Variants in WFDC5 observed in about 807,000 individuals in gnomAD.
WFDC5 encodes WAP four-disulfide core domain protein 5.
A neutral mutation model predicts 15.7 loss-of-function variants in WFDC5; 15 were observed. The observed-to-expected ratio is 0.96, with a 90% CI of 0.64 to 1.47. The LOEUF (loss-of-function observed/expected upper bound fraction) is 1.47. Ranked by LOEUF, WFDC5 falls within the 40% of genes most tolerant of loss-of-function variation. WFDC5 has a pLI of 0.00. For missense variants in WFDC5, 280 were observed against 258.0 expected, an observed-to-expected ratio of 1.09 and a Z score of -0.59; for synonymous variants, 109 against 107.7, an observed-to-expected ratio of 1.01 and a Z score of -0.07.
intron 1 of WFDC5, among the ~76,000 whole-genome samples, chr20:45,111,825 C>T (rs778351858): frequency 3.3e-5 from 5 of 152,170 alleles, no homozygotes; most frequent in African/African-American, 9.7e-5. Context: ...TCCCAGGGCC[C>T]GGCTCCCTCT....
chr20:45,111,737 C>G (rs56213252), intron 1 of WFDC5, among the ~76,000 whole-genome samples: 15,312 of 152,116 alleles, frequency 0.1, 1,821 homozygotes, highest in African/African-American at 0.29. Context: ...AATCAGTATC[C>G]TCCTCCATGT....
chr20:45,111,982 C>T (rs7268783), intron 1 of WFDC5, among the ~76,000 whole-genome samples: 5,246 of 152,218 alleles, frequency 0.034, 318 homozygotes, highest in African/African-American at 0.12. Flanking sequence ...CCTCTGTGTC[C>T]GCCCCTCCCC....
chr20:45,111,975 C>T lies in WFDC5; in HGVS notation c.86-1200G>A, dbSNP rs563507987. Among the ~76,000 whole-genome samples the T allele has an allele frequency of 1.6e-4, 25 of 152,306 alleles. No individual in the cohort carries two copies. The South Asian group carries it at 5.0e-3, about 30-fold the overall frequency. On this transcript the variant is annotated intron_variant, in intron 1 of 3. Transcript: ENST00000307971. ...TGGATCTGGTTCTGTGACTTTACCT[C>T]TGTGTCCGCCCCTCCCCCTCAGCCC...
chr20:45,110,437 G>A (rs1388261493), exon 3 of WFDC5: 2 of 1,612,692 alleles, frequency 1.2e-6, no homozygotes, highest in Non-Finnish European at 1.7e-6. Flanking sequence ...CGCAGGCGCT[G>A]TGGCAGCATC....
In WFDC5 at chr20:45,109,850, G is replaced by T. The variant is rs746281503; in HGVS notation, c.557C>A (p.Pro186His). The T allele has an allele frequency of 1.8e-5, 18 of 1,028,390 alleles. No individual in the cohort carries two copies. In the South Asian group the frequency reaches 2.4e-4, roughly 14 times the overall value. The allele number at this position is 1,028,390 out of a possible 1,614,324, so 63.7% of individuals were successfully genotyped here. ...CAGGAGGAGAAACCAGGGGTGGATG[G>T]GTTGCAGGGAAGTGTCAGCAGGCCA... Residue 186 changes from proline (P) to histidine (H), a missense_variant, in exon 4 of 4, where the codon CCC becomes CAC. Transcript: ENST00000307971.
exon 1 of WFDC5, chr20:45,115,099 T>G: frequency 6.2e-7 from 1 of 1,610,404 alleles, no homozygotes; most frequent in South Asian, 1.1e-5. Flanking sequence ...TGCTGCCGGC[T>G]CAGGGCCCAG....
exon 4 of WFDC5, chr20:45,109,919 T>C (rs1364795174): frequency 6.5e-7 from 1 of 1,548,702 alleles, no homozygotes; most frequent in Non-Finnish European, 8.9e-7. Context: ...GAGATAGTGC[T>C]GTCCAGCGGG....
upstream of WFDC5, chr20:45,115,195 G>A (rs1047139438): frequency 4.0e-5 from 39 of 981,168 alleles, no homozygotes; most frequent in South Asian, 8.1e-5. Flanking sequence ...GAGTGACACC[G>A]TGCCTGCTTC....
chr20:45,112,306 G>A lies in WFDC5; in HGVS notation c.86-1531C>T, dbSNP rs545637232. 1.3e-4 allele frequency among the ~76,000 whole-genome samples: 20 copies of A among 152,250 alleles called. No homozygotes were observed. The South Asian group carries it at 2.7e-3, about 21-fold the overall frequency. ...GCGTGCACTCAAAGCCGGTGGAGCC[G>A]GGTGGGTCAGGCAGGGAGAGCTTCT... On this transcript the variant is annotated intron_variant, in intron 1 of 3. Coordinates refer to ENST00000307971, the Ensembl canonical transcript of WFDC5.
intron 1 of WFDC5, among the ~76,000 whole-genome samples, chr20:45,112,706 AT>A (rs1981655066): frequency 6.6e-6 from 1 of 152,346 alleles, no homozygotes; most frequent in South Asian, 2.1e-4. Flanking sequence ...ACACAAGCAC[AT>A]TTAGATCTAG....
chr20:45,111,983 G>A (rs1014978640), intron 1 of WFDC5, among the ~76,000 whole-genome samples: 2 of 152,166 alleles, frequency 1.3e-5, no homozygotes, highest in African/African-American at 2.4e-5. Flanking sequence ...CTCTGTGTCC[G>A]CCCCTCCCCC....
rs549042593 is a variant in WFDC5, at chr20:45,110,125, G to C, written c.394-112C>G. ...TCAGCTCTGGTTGCCACCAAGGCAG[G>C]ATTCCTCTGCCCCCTTCAAAAGGGC... On this transcript the variant is annotated intron_variant, in intron 3 of 3. Transcript: ENST00000307971. The C allele has an allele frequency of 1.2e-4, 179 of 1,450,602 alleles. No individual in the cohort carries two copies. In the South Asian group the frequency reaches 2.0e-3, roughly 16 times the overall value. 89.9% of individuals were successfully genotyped at this position (1,450,602 alleles called of 1,614,324 possible). A position where few individuals can be genotyped will look rare whatever the true frequency, so the allele number is the denominator to read the frequency against.
At chr20:45,109,520 A>G in exon 4 of WFDC5, 1 of 535,088 alleles carries the variant, frequency 1.9e-6, no homozygotes, top group Non-Finnish European at 3.3e-6. Context: ...AGAAAACATT[A>G]AGTAAATGGT....
upstream of WFDC5, among the ~76,000 whole-genome samples, chr20:45,115,685 G>A (rs1013351939): frequency 6.6e-5 from 10 of 152,164 alleles, no homozygotes; most frequent in Non-Finnish European, 1.5e-4. Context: ...AGTGGCTTCT[G>A]ATAGAACTGC....
chr20:45,110,918 T>C, intron 1 of WFDC5, 143 bp from the exon 2 acceptor site: 1 of 1,189,812 alleles, frequency 8.4e-7, no homozygotes, highest in Non-Finnish European at 1.2e-6. Flanking sequence ...TTTGTTTGTT[T>C]GTTTATAATG....
At chr20:45,114,924 T>C in intron 1 of WFDC5, 75 bp downstream of exon 1, 1 of 1,528,444 alleles carries the variant, frequency 6.5e-7, no homozygotes, top group Non-Finnish European at 8.9e-7. Context: ...TTACCTGCCT[T>C]CCCCCAAACC....
chr20:45,113,580 T>C (rs1040635916), intron 1 of WFDC5, among the ~76,000 whole-genome samples: 1 of 152,210 alleles, frequency 6.6e-6, no homozygotes, highest in African/African-American at 2.4e-5. Context: ...AGACACCATT[T>C]ACTCCTGAGA....
At chr20:45,110,652 C>T (rs1981589379) in exon 2 of WFDC5, 1 of 1,613,960 alleles carries the variant, frequency 6.2e-7, no homozygotes, top group African/African-American at 1.3e-5. Flanking sequence ...CCTGGGGACA[C>T]ACTGGCGGAA....
chr20:45,109,656 G>A (rs1981552652), exon 4 of WFDC5: 1 of 675,132 alleles, frequency 1.5e-6, no homozygotes, highest in African/African-American at 1.8e-5. Context: ...TGGGCTGCCT[G>A]AGGGAGAGGT....
Sources: allele counts gnomAD v4.1 joint callset (sites outside exome capture counted in the v4.1 genomes callset), GRCh38; gene constraint gnomAD v4.1.1; transcripts MANE v1.5; gene names NCBI Gene and HGNC (gene_info 2026-07-23, HGNC 2026-07-21).